ITGB1: variants seen among roughly 807,000 people sequenced by gnomAD.
ITGB1 encodes integrin beta-1.
Under a neutral mutation model 86.5 loss-of-function variants are expected in ITGB1, and 24 were observed. The ratio of observed to expected loss-of-function variants is 0.28; its 90% CI spans 0.20 to 0.39. ITGB1 has a LOEUF of 0.39. Ranked by LOEUF, ITGB1 falls within the 10% of genes least tolerant of loss-of-function variation. ITGB1 has a pLI of 1.00. For synonymous variants in ITGB1, 323 were observed against 316.8 expected (o/e 1.02, Z -0.21); for missense variants, 556 against 946.9 (o/e 0.59, Z 5.42).
At chr10:32,936,718 C>T (rs936122662) in intron 1 of ITGB1, among the ~76,000 whole-genome samples, 3 of 152,122 alleles carry the variant, frequency 2.0e-5, no homozygotes, top group Non-Finnish European at 2.9e-5. Flanking sequence ...TTTGATTGGT[C>T]AAAGATGGCT....
intron 6 of ITGB1, among the ~76,000 whole-genome samples, chr10:32,924,601 T>C (rs76134615): frequency 0.069 from 10,482 of 152,112 alleles, 472 homozygotes; most frequent in African/African-American, 0.13. Context: ...ATCAAGGGTG[T>C]TATGGCTTGT....
At chr10:32,907,901 T>G (rs2094901604) in intron 15 of ITGB1, among the ~76,000 whole-genome samples, 1 of 152,212 alleles carries the variant, frequency 6.6e-6, no homozygotes, top group East Asian at 1.9e-4. Context: ...TGGGGCCACA[T>G]TCAAAGCTAT....
chr10:32,933,164 G>A (rs2094989583), intron 2 of ITGB1, among the ~76,000 whole-genome samples: 1 of 126,534 alleles, frequency 7.9e-6, no homozygotes, highest in African/African-American at 2.5e-5. Flanking sequence ...TGCAAAATTT[G>A]GGACCGTGAT....
At chr10:32,913,681 G>C (rs991892329) in intron 11 of ITGB1, among the ~76,000 whole-genome samples, 1 of 152,174 alleles carries the variant, frequency 6.6e-6, no homozygotes, top group Non-Finnish European at 1.5e-5. Flanking sequence ...AGACCAAATC[G>C]ATGTCTGATT....
intron 3 of ITGB1, among the ~76,000 whole-genome samples, chr10:32,932,033 G>A (rs2094985036): frequency 6.6e-6 from 1 of 151,806 alleles, no homozygotes; most frequent in Non-Finnish European, 1.5e-5. Flanking sequence ...TAATTAAGAA[G>A]GTTAATTTAT....
At chr10:32,934,609 G>A (rs1458238811) in intron 2 of ITGB1, among the ~76,000 whole-genome samples, 2 of 152,172 alleles carry the variant, frequency 1.3e-5, no homozygotes, top group Admixed American at 1.3e-4. Context: ...CATTTCATAA[G>A]TGTAAATTAG....
intron 15 of ITGB1, among the ~76,000 whole-genome samples, chr10:32,903,515 G>A (rs1429056996): frequency 6.6e-6 from 1 of 152,026 alleles, no homozygotes; most frequent in Non-Finnish European, 1.5e-5. Context: ...AACATATAAA[G>A]GCTGGGTCCT....
In ITGB1 at chr10:32,956,364, T is replaced by C. The variant is rs1479062913; in HGVS notation, c.-1+1781A>G. ...GAAAGGTGTCTAATCTAAATTCCTC[T>C]AGCATGTTATTTTTGTAGCATTAAA... On this transcript the variant is annotated intron_variant, in intron 1 of 15. Transcript: ENST00000302278. 2.0e-5 allele frequency among the ~76,000 whole-genome samples: 3 copies of C among 151,118 alleles called. No homozygotes were observed. In the East Asian group the frequency reaches 5.8e-4, roughly 29 times the overall value.
chr10:32,923,534 C>T (rs2094956124), intron 7 of ITGB1, 51 bp downstream of exon 7: 1 of 1,508,602 alleles, frequency 6.6e-7, no homozygotes, highest in Non-Finnish European at 9.0e-7. Context: ...TAGTATTAAA[C>T]ATTAAAATCC....
At chr10:32,911,757 G>A in intron 12 of ITGB1, 87 bp from the exon 13 acceptor site, 1 of 1,480,248 alleles carries the variant, frequency 6.8e-7, no homozygotes, top group Non-Finnish European at 9.4e-7. Flanking sequence ...CAACATGTGA[G>A]AAAGTATACC....
chr10:32,949,735 A>G (rs1347065272), intron 1 of ITGB1, among the ~76,000 whole-genome samples: 1 of 152,146 alleles, frequency 6.6e-6, no homozygotes, highest in Non-Finnish European at 1.5e-5. Context: ...TTTAATCTTC[A>G]CTGTAAACTA....
chr10:32,921,037 G>A (rs1411757843), intron 9 of ITGB1, among the ~76,000 whole-genome samples: 1 of 151,274 alleles, frequency 6.6e-6, no homozygotes, highest in Non-Finnish European at 1.5e-5. Flanking sequence ...CGAAATAAAT[G>A]CTGTCTTCCC....
At chr10:32,913,171 C>T (rs1018879906) in intron 11 of ITGB1, among the ~76,000 whole-genome samples, 9 of 152,172 alleles carry the variant, frequency 5.9e-5, no homozygotes, top group Admixed American at 5.9e-4. Context: ...ACATCACCAT[C>T]ATGGAAGACC....
intron 6 of ITGB1, among the ~76,000 whole-genome samples, chr10:32,924,675 G>A (rs1045159405): frequency 2.6e-5 from 4 of 152,178 alleles, no homozygotes; most frequent in Non-Finnish European, 2.9e-5. Flanking sequence ...ACAACGAGCT[G>A]CTAACAGGCT....
At position 32,904,339 on chromosome 10, in the gene ITGB1, C is replaced by G. The variant is rs573062945; in HGVS notation, c.2332-2704G>C. Among the ~76,000 whole-genome samples the G allele has an allele frequency of 5.3e-5, 8 of 152,306 alleles. No homozygotes were observed. The South Asian group carries it at 1.7e-3, about 32-fold the overall frequency. Reference sequence around the variant, plus strand: ...TATATTATGAAAGGAAGCCCTCAAGCTCAGTAAAATGTCATCTTTGTGCTC... The same window carrying G: ...TATATTATGAAAGGAAGCCCTCAAGGTCAGTAAAATGTCATCTTTGTGCTC... On this transcript the variant is annotated intron_variant, in intron 15 of 15. Coordinates refer to ENST00000302278, the MANE Select transcript of ITGB1 (RefSeq NM_002211.4).
intron 1 of ITGB1, among the ~76,000 whole-genome samples, chr10:32,940,323 G>A (rs951889444): frequency 4.8e-5 from 7 of 144,936 alleles, no homozygotes; most frequent in Non-Finnish European, 8.9e-5. Context: ...CCAGCCTGGC[G>A]ACAGAGCTAG....
rs1331600283 is a variant in ITGB1 at position 32,923,712 on chromosome 10, C to T, written c.815G>A (p.Arg272Gln). 3 of 1,613,156 alleles carry T rather than the reference C, an allele frequency of 1.9e-6. No homozygotes were observed. Among genetic ancestry groups the T allele is most frequent in the Non-Finnish European group, 1.7e-6 (2 of 1,179,586 alleles). Residue 272 changes from arginine (R) to glutamine (Q), a missense_variant, in exon 7 of 16, where the codon CGG becomes CAG. Physicochemically the swap from Arg to Gln is conservative, Grantham distance 43. Coordinates refer to ENST00000302278, the MANE Select transcript of ITGB1 (RefSeq NM_002211.4). ...GSLIGWRNVTRLLVFSTDAGF... is the reference protein window; with the variant it reads ...GSLIGWRNVTQLLVFSTDAGF... Reference sequence around the variant, plus strand: ...GGCATCTGTGGAAAACACCAGCAGCCGTGTAACATTCCTCCAGCCAATCAG... The same window carrying T: ...GGCATCTGTGGAAAACACCAGCAGCTGTGTAACATTCCTCCAGCCAATCAG...
intron 11 of ITGB1, among the ~76,000 whole-genome samples, chr10:32,912,413 G>A (rs897681088): frequency 2.0e-5 from 3 of 152,144 alleles, no homozygotes; most frequent in South Asian, 2.1e-4. Flanking sequence ...TGTGACAGAC[G>A]GTACCTGGAA....
intron 1 of ITGB1, chr10:32,944,402 G>A (rs1274414200): frequency 5.0e-5 from 15 of 302,124 alleles, no homozygotes; most frequent in Middle Eastern, 1.2e-3. Context: ...GTAAAGGGGC[G>A]TCTACGCGGC....
Sources: gnomAD v4.1 joint callset for allele counts (sites outside exome capture counted in the v4.1 genomes callset) on GRCh38, gnomAD v4.1.1 for gene constraint, MANE v1.5 for transcripts, NCBI Gene and HGNC (gene_info 2026-07-23, HGNC 2026-07-21) for gene names.